RP1L1: variants seen among roughly 807,000 people sequenced by gnomAD.
The protein encoded by RP1L1 is RP1 like 1.
A neutral mutation model predicts 15.7 loss-of-function variants in RP1L1; 27 were observed. That is an observed-to-expected ratio of 1.72 (90% CI 1.27 to 2.38). RP1L1 has a LOEUF of 2.38. Ranked by LOEUF, RP1L1 falls within the 30% of genes most tolerant of loss-of-function variation. RP1L1 has a pLI of 0.00. For missense variants in RP1L1, 4,798 were observed against 3,075.9 expected (o/e 1.56, Z -13.24); for synonymous variants, 1,813 against 1,276.7 (o/e 1.42, Z -8.96).
chr8:10,634,538 T>C (rs1350055493), intron 1 of RP1L1, among the ~76,000 whole-genome samples: 1 of 151,978 alleles, frequency 6.6e-6, no homozygotes, highest in African/African-American at 2.4e-5. Flanking sequence ...TGGAGAGAAA[T>C]GGGTTTCCAT....
At chr8:10,637,533 C>T (rs993466557) in intron 1 of RP1L1, among the ~76,000 whole-genome samples, 3 of 152,076 alleles carry the variant, frequency 2.0e-5, no homozygotes, top group Admixed American at 2.0e-4. Flanking sequence ...ATCACTTGAG[C>T]CCAGCAGTTC....
chr8:10,627,822 G>T (rs1798181982), intron 1 of RP1L1, among the ~76,000 whole-genome samples: 1 of 152,068 alleles, frequency 6.6e-6, no homozygotes, highest in African/African-American at 2.4e-5. Context: ...CCAGGTTCTG[G>T]GCAGTAAATT....
Position 10,611,701 on chromosome 8 carries a change from C to A in RP1L1, c.2397G>T (p.Thr799=). The change falls in exon 4 of 4, where the codon ACG becomes ACT. Residue 799 remains threonine (T), a synonymous_variant. Coordinates refer to ENST00000382483, the MANE Select transcript of RP1L1 (RefSeq NM_178857.6). The part of the protein sequence containing the change: ...AASLGEEARD[T]PQPSSPLVLQ... ...GAACCAAGGGTGAGGAGGGCTGAGG[C>A]GTGTCCCTGGCCTCTTCCCCCAGGC... 5.0e-6 allele frequency: 8 copies of A among 1,613,500 alleles called. No homozygotes were observed. The highest frequency in any genetic ancestry group is 5.1e-6 in the Non-Finnish European group (6 of 1,179,980).
chr8:10,622,300 AC>A (rs796690744), intron 2 of RP1L1, among the ~76,000 whole-genome samples: 39 of 151,038 alleles, frequency 2.6e-4, no homozygotes, highest in African/African-American at 8.3e-4. Flanking sequence ...AGCCTGGGTG[AC>A]AAAAGTTAAA....
At chr8:10,638,534 G>A (rs543388130) in intron 1 of RP1L1, among the ~76,000 whole-genome samples, 6 of 151,934 alleles carry the variant, frequency 3.9e-5, no homozygotes, top group Admixed American at 6.6e-5. Flanking sequence ...GCTTGAGTCC[G>A]GCAGTTCAAA....
At position 10,607,101 on chromosome 8, in the gene RP1L1, T is replaced by A; in HGVS notation, c.6997A>T (p.Thr2333Ser). The change falls in exon 4 of 4, where the codon ACC (threonine) becomes TCC (serine). Residue 2333 changes from threonine (T) to serine (S), a missense_variant. Transcript: ENST00000382483. Reference protein sequence around the residue: ...TRSPDAKSTGTPHAERKATRM... With the variant: ...TRSPDAKSTGSPHAERKATRM... The stretch of plus-strand genomic sequence containing the variant: ...GTGGCCTTCCTCTCTGCATGAGGGG[T>A]CCCCGTGGACTTGGCATCAGGGCTC... 1 of 1,614,090 alleles carries A rather than the reference T, an allele frequency of 6.2e-7. No homozygotes were observed. Among genetic ancestry groups the A allele is most frequent in the Non-Finnish European group, 8.5e-7 (1 of 1,180,018 alleles).
intron 1 of RP1L1, among the ~76,000 whole-genome samples, chr8:10,654,660 C>G (rs746786659): frequency 6.6e-6 from 1 of 152,250 alleles, no homozygotes; most frequent in Admixed American, 6.5e-5. Flanking sequence ...TGTAAATCAA[C>G]GAGCAGAAAC....
intron 1 of RP1L1, among the ~76,000 whole-genome samples, chr8:10,633,084 G>A (rs574821175): frequency 2.4e-4 from 36 of 152,184 alleles, no homozygotes; most frequent in Non-Finnish European, 4.1e-4. Context: ...GCATCCAACA[G>A]CACGGCGACG....
At chr8:10,624,190 C>T (rs767889819) in intron 1 of RP1L1, among the ~76,000 whole-genome samples, 6 of 152,206 alleles carry the variant, frequency 3.9e-5, no homozygotes, top group Non-Finnish European at 7.3e-5. Context: ...TGTCACTCAT[C>T]ACTCCCTCTC....
rs780122215 is a variant in RP1L1, at chr8:10,610,352, T to A, written c.3746A>T (p.Asp1249Val). The change falls in exon 4 of 4, where the codon GAT becomes GTT. Residue 1249 changes from aspartate (D) to valine (V), a missense_variant. By Grantham distance (152) the Asp-to-Val change is radical. Coordinates refer to ENST00000382483, the MANE Select transcript of RP1L1 (RefSeq NM_178857.6). Reference protein sequence around the residue: ...PDSRTYESPGDLENQQQCCFP... With the variant: ...PDSRTYESPGVLENQQQCCFP... ...ACAACACTGCTGTTGGTTTTCCAGA[T>A]CCCCTGGGCTCTCATAAGTTCTTGA... The A allele has an allele frequency of 7.4e-6, 12 of 1,614,158 alleles. No individual in the cohort carries two copies. The highest frequency in any genetic ancestry group is 1.0e-5 in the Non-Finnish European group (12 of 1,180,028).
chr8:10,636,993 C>G (rs145370388), intron 1 of RP1L1, among the ~76,000 whole-genome samples: 11 of 152,326 alleles, frequency 7.2e-5, no homozygotes, highest in African/African-American at 2.6e-4. Context: ...CAGGGCTCTA[C>G]GTGGGGCCAC....
Position 10,607,487 on chromosome 8 carries a change from T to G in RP1L1, c.6611A>C (p.Glu2204Ala), listed in dbSNP as rs200588941. 2.5e-4 allele frequency: 396 copies of G among 1,609,392 alleles called. No homozygotes were observed. Among genetic ancestry groups the G allele is most frequent in the Non-Finnish European group, 3.2e-4 (376 of 1,176,984 alleles). The change falls in exon 4 of 4, where the codon GAG becomes GCG. Residue 2204 changes from glutamate to alanine, a missense_variant. Coordinates refer to ENST00000382483, the MANE Select transcript of RP1L1 (RefSeq NM_178857.6). The stretch of plus-strand genomic sequence containing the variant: ...TACACCTTCTAACTCTGGTTGGGCC[T>G]CCCCTTCTGCCTCTGGGGCCTCTAT... ...EGIEAPEAEG[E>A]AQPELEGVEA...
rs775657453 is a variant in RP1L1 at position 10,612,543 on chromosome 8, C to A, written c.1555G>T (p.Gly519Cys). ...GAGLGGPEQG[G>C]RLTPRARSEE... Reference sequence around the variant, plus strand: ...CTCCGGGCCCTCGGTGTCAGGCGGCCGCCTTGCTCTGGGCCGCCCAGCCCT... The same window carrying A: ...CTCCGGGCCCTCGGTGTCAGGCGGCAGCCTTGCTCTGGGCCGCCCAGCCCT... Residue 519 changes from glycine (G) to cysteine (C), a missense_variant, in exon 4 of 4, where the codon GGC (glycine) becomes TGC (cysteine). By Grantham distance (159) the Gly-to-Cys change is radical. Coordinates refer to ENST00000382483, the MANE Select transcript of RP1L1 (RefSeq NM_178857.6). The A allele has an allele frequency of 1.2e-6, 2 of 1,609,690 alleles. No individual in the cohort carries two copies. The highest frequency in any genetic ancestry group is 1.3e-5 in the African/African-American group (1 of 74,890).
rs770762993 is a variant in RP1L1, at chr8:10,608,864, T to C, written c.5234A>G (p.Asp1745Gly). 6.2e-7 allele frequency: 1 copy of C among 1,613,986 alleles called. No individual in the cohort carries two copies. The highest frequency in any genetic ancestry group is 1.6e-4 in the Middle Eastern group (1 of 6,062). Residue 1745 changes from aspartate to glycine, a missense_variant, in exon 4 of 4, where the codon GAT becomes GGT. Transcript: ENST00000382483. Reference sequence around the variant, plus strand: ...GTTGAGTCTCTGGCTCCCCTCGCCATCCTCACCCTCGTCCACTCCAGGCCC... The same window carrying C: ...GTTGAGTCTCTGGCTCCCCTCGCCACCCTCACCCTCGTCCACTCCAGGCCC... ...SQGPGVDEGE[D>G]GEGSQRLNRD...
chr8:10,645,777 C>G (rs1798467987), intron 1 of RP1L1, among the ~76,000 whole-genome samples: 1 of 152,184 alleles, frequency 6.6e-6, no homozygotes, highest in African/African-American at 2.4e-5. Context: ...TCCAGCCCCC[C>G]AGAGTCAATT....
intron 2 of RP1L1, chr8:10,621,694 G>A (rs756177614): frequency 4.6e-5 from 23 of 495,590 alleles, no homozygotes; most frequent in Non-Finnish European, 8.9e-5. Context: ...ACTGAATCTT[G>A]AGGAGACTGT....
intron 1 of RP1L1, among the ~76,000 whole-genome samples, chr8:10,646,601 C>T (rs980288372): frequency 6.6e-6 from 1 of 152,062 alleles, no homozygotes; most frequent in African/African-American, 2.4e-5. Context: ...TCTGGACTCC[C>T]TGTCCCCTAG....
chr8:10,625,655 C>T (rs1381091492), intron 1 of RP1L1, among the ~76,000 whole-genome samples: 2 of 152,168 alleles, frequency 1.3e-5, no homozygotes, highest in African/African-American at 4.8e-5. Flanking sequence ...TCATCAGGTG[C>T]GGGCAGGTAG....
Position 10,613,136 on chromosome 8 carries a change from A to G in RP1L1, c.962T>C (p.Leu321Pro). Residue 321 changes from leucine (L) to proline (P), a missense_variant, in exon 4 of 4, where the codon CTG (leucine) becomes CCG (proline). By Grantham distance (98) the Leu-to-Pro change is moderately conservative (BLOSUM62 -3). Transcript: ENST00000382483. ...GAAGCGGACTTTCATCTCCACGGAC[A>G]GGCTGCCGTCCTCATTCATGCGGAC... ...KKVRMNEDGSLSVEMKVRFHL... is the reference protein window; with the variant it reads ...KKVRMNEDGSPSVEMKVRFHL... The G allele has an allele frequency of 6.2e-7, 1 of 1,613,888 alleles. No homozygotes were observed. Among genetic ancestry groups the G allele is most frequent in the South Asian group, 1.1e-5 (1 of 91,088 alleles).
Sources: gnomAD v4.1 joint callset for allele counts (sites outside exome capture counted in the v4.1 genomes callset) on GRCh38, gnomAD v4.1.1 for gene constraint, MANE v1.5 for transcripts, NCBI Gene and HGNC (gene_info 2026-07-23, HGNC 2026-07-21) for gene names.